CYP7B1: variants seen among roughly 807,000 people sequenced by gnomAD.
CYP7B1 encodes the protein cytochrome P450 family 7 subfamily B member 1.
A neutral mutation model predicts 42.7 loss-of-function variants in CYP7B1; 29 were observed. The observed-to-expected ratio is 0.68, with a 90% CI of 0.51 to 0.93. CYP7B1 has a LOEUF of 0.93. CYP7B1 is among the 40% of genes least tolerant of loss of function. The pLI, the probability that CYP7B1 is intolerant of heterozygous loss-of-function variation, is 0.00. For missense variants in CYP7B1, 655 were observed against 600.5 expected, an observed-to-expected ratio of 1.09 and a Z score of -0.95; for synonymous variants, 235 against 218.2, an observed-to-expected ratio of 1.08 and a Z score of -0.68.
chr8:64,768,141 T>C (rs1291671380), intron 1 of CYP7B1, among the ~76,000 whole-genome samples: 1 of 152,190 alleles, frequency 6.6e-6, no homozygotes, highest in Non-Finnish European at 1.5e-5. Flanking sequence ...ACTCAGCTCA[T>C]ACCCGACCAA....
In CYP7B1 at chr8:64,616,084, G is replaced by A; in HGVS notation, c.457C>T (p.Leu153Phe). The A allele has an allele frequency of 6.2e-7, 1 of 1,613,738 alleles. No homozygotes were observed. ...AGATTCTGCATCATGCTTTCCAAGA[G>A]TATGTCCAAAGATTTGCCTTGCAAA... Reference protein sequence around the residue: ...QFLQGKSLDILLESMMQNLKQ... With the variant: ...QFLQGKSLDIFLESMMQNLKQ... Residue 153 changes from leucine to phenylalanine, a missense_variant, in exon 3 of 6, where the codon CTC becomes TTC. Physicochemically the swap from Leu to Phe is conservative, Grantham distance 22. Transcript: ENST00000310193.
rs148934325 is a variant in CYP7B1, at chr8:64,721,808, A to G, written c.122+76658T>C. ...ATAGATAGCAAGATACACAGCCTATATAATTATGACACATATGATATAGAT... is the reference window on the plus strand; with the variant it reads ...ATAGATAGCAAGATACACAGCCTATGTAATTATGACACATATGATATAGAT... On this transcript the variant is annotated intron_variant, in intron 1 of 5. Coordinates refer to ENST00000310193, the MANE Select transcript of CYP7B1 (RefSeq NM_004820.5). 4.0e-4 allele frequency among the ~76,000 whole-genome samples: 61 copies of G among 152,310 alleles called. No individual in the cohort carries two copies. The East Asian group carries it at 0.011, about 28-fold the overall frequency.
chr8:64,730,477 T>C (rs117121965), intron 1 of CYP7B1, among the ~76,000 whole-genome samples: 2,640 of 152,276 alleles, frequency 0.017, 28 homozygotes, highest in Middle Eastern at 0.027. Flanking sequence ...TTGTGATCTG[T>C]GCATGAACTG....
At chr8:64,757,394 C>T (rs997047070) in intron 1 of CYP7B1, among the ~76,000 whole-genome samples, 4 of 152,134 alleles carry the variant, frequency 2.6e-5, no homozygotes, top group Non-Finnish European at 4.4e-5. Flanking sequence ...CATGCTTATG[C>T]TTTTATACAT....
At chr8:64,684,069 A>G (rs1361206005) in intron 1 of CYP7B1, among the ~76,000 whole-genome samples, 1 of 152,234 alleles carries the variant, frequency 6.6e-6, no homozygotes, top group Admixed American at 6.5e-5. Flanking sequence ...TTCTGCTTAC[A>G]GGGTATGATC....
At position 64,647,771 on chromosome 8, in the gene CYP7B1, G is replaced by A. The variant is rs146633746; in HGVS notation, c.123-23232C>T. Among the ~76,000 whole-genome samples, 26 of 152,084 alleles carry A rather than the reference G, an allele frequency of 1.7e-4. No individual in the cohort carries two copies. In the East Asian group the frequency reaches 3.9e-3, roughly 23 times the overall value. ...TCAATGTACCGGATGATGCCCTCCC[G>A]CAGTGGGGAGGGCAGTCTACTCTAC... is the stretch of plus-strand genomic sequence containing the variant. On this transcript the variant is annotated intron_variant, in intron 1 of 5. Coordinates refer to ENST00000310193, the MANE Select transcript of CYP7B1 (RefSeq NM_004820.5).
chr8:64,759,766 A>G (rs1281472362), intron 1 of CYP7B1, among the ~76,000 whole-genome samples: 1 of 152,186 alleles, frequency 6.6e-6, no homozygotes, highest in African/African-American at 2.4e-5. Context: ...TTAGTGAGAA[A>G]GATATTGCTG....
intron 4 of CYP7B1, among the ~76,000 whole-genome samples, chr8:64,611,297 G>A (rs1483886407): frequency 6.6e-6 from 1 of 152,124 alleles, no homozygotes; most frequent in Non-Finnish European, 1.5e-5. Flanking sequence ...GGGGTATTTA[G>A]CACCCTGAGA....
chr8:64,675,774 C>T (rs1297228682), intron 1 of CYP7B1, among the ~76,000 whole-genome samples: 1 of 152,070 alleles, frequency 6.6e-6, no homozygotes, highest in Admixed American at 6.6e-5. Context: ...TTGAAATACC[C>T]ACAATAGCAC....
chr8:64,627,744 T>C (rs761675093), intron 1 of CYP7B1, among the ~76,000 whole-genome samples: 9 of 152,174 alleles, frequency 5.9e-5, no homozygotes, highest in Non-Finnish European at 1.0e-4. Context: ...TGTGTTTATT[T>C]TGGCAGCAGT....
intron 2 of CYP7B1, among the ~76,000 whole-genome samples, chr8:64,618,570 TTCTC>T (rs10530120): frequency 2.1e-5 from 3 of 146,244 alleles, no homozygotes; most frequent in East Asian, 2.0e-4. Flanking sequence ...CACATTCATT[TTCTC>T]TCTCTCTCTC....
chr8:64,646,951 G>A, intron 1 of CYP7B1, among the ~76,000 whole-genome samples: 1 of 152,206 alleles, frequency 6.6e-6, no homozygotes, highest in Admixed American at 6.5e-5. Context: ...ACTGGTGCAA[G>A]AGGCCTAGAT....
chr8:64,693,212 G>A (rs1415808374), intron 1 of CYP7B1, among the ~76,000 whole-genome samples: 1 of 152,250 alleles, frequency 6.6e-6, no homozygotes, highest in East Asian at 1.9e-4. Context: ...TGGCTATTGG[G>A]AGACAACTGA....
intron 1 of CYP7B1, among the ~76,000 whole-genome samples, chr8:64,733,532 T>C (rs1335604358): frequency 1.3e-5 from 2 of 152,174 alleles, no homozygotes; most frequent in Admixed American, 1.3e-4. Context: ...CAGTTCCACA[T>C]GCACAGGACA....
chr8:64,635,482 T>C (rs969829503), intron 1 of CYP7B1, among the ~76,000 whole-genome samples: 36 of 152,238 alleles, frequency 2.4e-4, no homozygotes, highest in Non-Finnish European at 4.7e-4. Flanking sequence ...GTCTGTTATC[T>C]TTAGTCTAGT....
intron 5 of CYP7B1, among the ~76,000 whole-genome samples, chr8:64,603,692 T>C (rs1271002079): frequency 6.6e-6 from 1 of 152,180 alleles, no homozygotes; most frequent in Admixed American, 6.5e-5. Flanking sequence ...TCCCTCCTTT[T>C]GAAACACACA....
chr8:64,797,911 G>T (rs1002690545), intron 1 of CYP7B1, among the ~76,000 whole-genome samples: 9 of 152,158 alleles, frequency 5.9e-5, no homozygotes, highest in African/African-American at 2.2e-4. Flanking sequence ...TTATAAAAAT[G>T]ATAGGACAAC....
chr8:64,732,153 C>A (rs1002946983), intron 1 of CYP7B1, among the ~76,000 whole-genome samples: 63 of 152,174 alleles, frequency 4.1e-4, no homozygotes, highest in African/African-American at 1.5e-3. Context: ...CATTGTAGAT[C>A]CACTTACAGC....
intron 1 of CYP7B1, among the ~76,000 whole-genome samples, chr8:64,643,190 T>TACACACAC (rs569231274): frequency 1.2e-5 from 1 of 83,636 alleles, no homozygotes; most frequent in South Asian, 3.3e-4. Context: ...TACATATATA[T>TACACACAC]ATACACACAC....
Sources: allele counts gnomAD v4.1 joint callset (sites outside exome capture counted in the v4.1 genomes callset), GRCh38; gene constraint gnomAD v4.1.1; transcripts MANE v1.5; gene names NCBI Gene and HGNC (gene_info 2026-07-23, HGNC 2026-07-21).